The following CACNA1B variants were observed in gnomAD, a reference collection of about 807,000 sequenced individuals.
The protein encoded by CACNA1B is voltage-dependent N-type calcium channel subunit alpha-1B.
A neutral mutation model predicts 247.2 loss-of-function variants in CACNA1B; 70 were observed. The ratio of observed to expected loss-of-function variants is 0.28; its 90% CI spans 0.23 to 0.35. The LOEUF (loss-of-function observed/expected upper bound fraction) is 0.35. Among genes scored for constraint, CACNA1B ranks in the 10% least tolerant of loss-of-function variants. CACNA1B has a pLI of 1.00. For synonymous variants in CACNA1B, 1,231 were observed against 1,294.4 expected (o/e 0.95, Z 1.05); for missense variants, 2,367 against 3,197.4 (o/e 0.74, Z 6.26).
At chr9:137,994,686 A>C (rs1235335494) in intron 15 of CACNA1B, among the ~76,000 whole-genome samples, 1 of 152,238 alleles carries the variant, frequency 6.6e-6, no homozygotes, top group Non-Finnish European at 1.5e-5. Context: ...GGGAAACGAC[A>C]AAACACTGCT....
At position 138,068,967 on chromosome 9, in the gene CACNA1B, T is replaced by C. The variant is rs79359837; in HGVS notation, c.4669-791T>C. On this transcript the variant is annotated intron_variant, in intron 31 of 46. Coordinates refer to ENST00000371372, the MANE Select transcript of CACNA1B (RefSeq NM_000718.4). ...GTCGAGGCCGGGCTGTTTGTGGTCG[T>C]GTCAGACCCTGGCTCAAGCAAGCCC... Among the ~76,000 whole-genome samples, 240 of 152,314 alleles carry C rather than the reference T, an allele frequency of 1.6e-3. 3 individuals are homozygous for C. Among genetic ancestry groups the C allele is most frequent in the African/African-American group, 5.5e-3 (228 of 41,578 alleles).
chr9:138,078,394 T>C, intron 36 of CACNA1B, 136 bp downstream of exon 36: 1 of 852,186 alleles, frequency 1.2e-6, no homozygotes, highest in Non-Finnish European at 1.8e-6. Flanking sequence ...ATGGCCCTTG[T>C]TTCCCCAGAG....
In CACNA1B at chr9:138,013,215, C is replaced by T. The variant is rs201733490; in HGVS notation, c.2247C>T (p.Ala749=). 195 of 1,601,972 alleles carry T rather than the reference C, an allele frequency of 1.2e-4. No individual in the cohort carries two copies. Among genetic ancestry groups the T allele is most frequent in the Non-Finnish European group, 1.5e-4 (182 of 1,174,694 alleles). Residue 749 remains alanine, a synonymous_variant, in exon 18 of 47, where the codon GCC becomes GCT. Coordinates refer to ENST00000371372, the MANE Select transcript of CACNA1B (RefSeq NM_000718.4). ...KEVAEVSPMS[A]ANISIAARQQ... is the part of the protein sequence containing the mutation. The stretch of plus-strand genomic sequence containing the variant: ...TGGCTGAAGTCAGCCCCATGTCTGC[C>T]GCGAACATCTCCATCGCCGCGTAAG...
At chr9:137,967,077 G>A (rs996908800) in intron 10 of CACNA1B, among the ~76,000 whole-genome samples, 4 of 151,812 alleles carry the variant, frequency 2.6e-5, no homozygotes, top group African/African-American at 9.7e-5. Flanking sequence ...TTCATCCCAA[G>A]TTCTGCTGCT....
chr9:137,956,215 G>T (rs1430980917), intron 8 of CACNA1B, among the ~76,000 whole-genome samples: 1 of 152,188 alleles, frequency 6.6e-6, no homozygotes, highest in Non-Finnish European at 1.5e-5. Flanking sequence ...CTTCAGAGAT[G>T]AACTCGCCTG....
At chr9:138,117,088 T>G (rs1192296182) in intron 42 of CACNA1B, among the ~76,000 whole-genome samples, 2 of 152,264 alleles carry the variant, frequency 1.3e-5, no homozygotes, top group Non-Finnish European at 2.9e-5. Context: ...CTTCAGTGTT[T>G]CACTGAATGT....
chr9:138,004,334 G>A (rs142500996), intron 15 of CACNA1B, among the ~76,000 whole-genome samples: 59 of 152,060 alleles, frequency 3.9e-4, no homozygotes, highest in African/African-American at 1.4e-3. Flanking sequence ...GATTGCTTGA[G>A]CCCAGGGGTT....
intron 21 of CACNA1B, among the ~76,000 whole-genome samples, chr9:138,044,290 A>G (rs1051370376): frequency 8.5e-5 from 13 of 152,210 alleles, no homozygotes; most frequent in African/African-American, 3.1e-4. Context: ...CCGTGTGTCC[A>G]CGCCTGTGCT....
At position 138,100,574 on chromosome 9, in the gene CACNA1B, T is replaced by C. The variant is rs1961219142; in HGVS notation, c.5223-2137T>C. Among the ~76,000 whole-genome samples the C allele has an allele frequency of 6.6e-6, 1 of 152,132 alleles. No homozygotes were observed. The highest frequency in any genetic ancestry group is 1.5e-5 in the Non-Finnish European group (1 of 68,014). On this transcript the variant is annotated intron_variant, in intron 37 of 46. Coordinates refer to ENST00000371372, the MANE Select transcript of CACNA1B (RefSeq NM_000718.4). This position sits in a 1 kb window ranked among gnomAD's most constrained non-coding sequence, Gnocchi z 4.6. ...GCTGATTGGACCGAGGGGGCTACACTGTAGGAGAGAGGAGCATTGGTGGTG... is the reference window on the plus strand; with the variant it reads ...GCTGATTGGACCGAGGGGGCTACACCGTAGGAGAGAGGAGCATTGGTGGTG...
chr9:137,933,868 C>T lies in CACNA1B; in HGVS notation c.966+16437C>T, dbSNP rs73570209. Among the ~76,000 whole-genome samples the T allele has an allele frequency of 3.5e-3, 534 of 152,084 alleles. 5 individuals are homozygous for T. Among genetic ancestry groups the T allele is most frequent in the African/African-American group, 0.012 (502 of 41,486 alleles). On this transcript the variant is annotated intron_variant, in intron 6 of 46. Transcript: ENST00000371372. ...TAGTAAGACATGGTTCCTGTATACA[C>T]AGGCTGTGGGTGACCATTATGGAAC...
rs375146973 is a variant in CACNA1B, at chr9:138,121,898, C to T, written c.6919C>T (p.Leu2307Phe). The change falls in exon 47 of 47, where the codon CTC (leucine) becomes TTC (phenylalanine). Residue 2307 changes from leucine (L) to phenylalanine (F), a missense_variant. Around this residue, in one of 12 missense-constraint regions of CACNA1B, gnomAD observed 773 missense variants for 779.4 expected, o/e 0.99. Coordinates refer to ENST00000371372, the MANE Select transcript of CACNA1B (RefSeq NM_000718.4). The surrounding 1 kb of genome is among the most constrained non-coding windows in gnomAD (Gnocchi z 6.8). ...CTCCCTGACCTCCCAGTCTCACCCT[C>T]TCCGCCGCGTGCCCAACGGTTACCA... Reference protein sequence around the residue: ...VSSLTSQSHPLRRVPNGYHCT... With the variant: ...VSSLTSQSHPFRRVPNGYHCT... 2 of 1,612,576 alleles carry T rather than the reference C, an allele frequency of 1.2e-6. No homozygotes were observed. The highest frequency in any genetic ancestry group is 2.2e-5 in the East Asian group (1 of 44,868).
intron 12 of CACNA1B, among the ~76,000 whole-genome samples, chr9:137,981,086 C>T (rs1211073378): frequency 6.6e-6 from 1 of 152,226 alleles, no homozygotes; most frequent in Non-Finnish European, 1.5e-5. Context: ...CTGTTTTCCA[C>T]AGTGACTGGA....
chr9:137,935,831 G>A (rs1448587429), intron 6 of CACNA1B, among the ~76,000 whole-genome samples: 2 of 151,894 alleles, frequency 1.3e-5, no homozygotes, highest in East Asian at 1.9e-4. Context: ...CTGGAGTACA[G>A]TGGCATGATC....
intron 3 of CACNA1B, among the ~76,000 whole-genome samples, chr9:137,893,231 C>A (rs1957128827): frequency 7.3e-6 from 1 of 136,796 alleles, no homozygotes; most frequent in Admixed American, 7.3e-5. Context: ...AAAGCTGGCC[C>A]TTTTTTTTTT....
chr9:137,970,270 CTGCTCTCTGAGAACACTGAG>C, intron 10 of CACNA1B, among the ~76,000 whole-genome samples: 1 of 152,310 alleles, frequency 6.6e-6, no homozygotes, highest in Admixed American at 6.5e-5. Flanking sequence ...GCACAGCTGT[CTGCTCTCTGAGAACACTGAG>C]AGGCACCCAC....
chr9:137,984,282 G>T, intron 13 of CACNA1B, 32 bp downstream of exon 13: 1 of 1,484,544 alleles, frequency 6.7e-7, no homozygotes, highest in South Asian at 1.2e-5. Flanking sequence ...GCGAGGGCAG[G>T]TGTAGGGTGG....
intron 36 of CACNA1B, among the ~76,000 whole-genome samples, chr9:138,082,438 G>T (rs1175138570): frequency 6.6e-6 from 1 of 151,276 alleles, no homozygotes; most frequent in Non-Finnish European, 1.5e-5. Context: ...ACAGAAAATG[G>T]AAGTGAGGTA....
chr9:137,956,701 G>T, intron 8 of CACNA1B, 70 bp from the exon 9 acceptor site: 2 of 1,268,642 alleles, frequency 1.6e-6, no homozygotes, highest in Non-Finnish European at 2.2e-6. Flanking sequence ...TCCAGACAGA[G>T]ATGTGCCTCT....
intron 15 of CACNA1B, among the ~76,000 whole-genome samples, chr9:137,995,482 G>C (rs1355755230): frequency 6.6e-6 from 1 of 152,144 alleles, no homozygotes; most frequent in Non-Finnish European, 1.5e-5. Flanking sequence ...GCAAGCCACA[G>C]GTAGGAGAAT....
Sources: allele counts gnomAD v4.1 joint callset (sites outside exome capture counted in the v4.1 genomes callset), GRCh38; gene constraint gnomAD v4.1.1; regional missense constraint gnomAD v4.1.1; non-coding constraint Gnocchi (gnomAD v3.1); transcripts MANE v1.5; gene names NCBI Gene and HGNC (gene_info 2026-07-23, HGNC 2026-07-21).